Variants in ABCD3 observed in about 807,000 individuals in gnomAD.
The protein encoded by ABCD3 is ATP binding cassette subfamily D member 3.
A neutral mutation model predicts 105.5 loss-of-function variants in ABCD3; 41 were observed. The observed-to-expected ratio is 0.39, with a 90% CI of 0.30 to 0.50. The LOEUF is 0.50. ABCD3 is among the 20% of genes least tolerant of loss of function. The probability of loss-of-function intolerance (pLI) is 0.84; values close to 1 mark genes in which losing one functional copy is unlikely to be tolerated. For synonymous variants in ABCD3, 258 were observed against 269.0 expected, an observed-to-expected ratio of 0.96 and a Z score of 0.40; for missense variants, 622 against 806.3, an observed-to-expected ratio of 0.77 and a Z score of 2.77.
chr1:94,426,667 C>T (rs560751727), intron 1 of ABCD3, among the ~76,000 whole-genome samples: 12 of 151,864 alleles, frequency 7.9e-5, no homozygotes, highest in African/African-American at 2.4e-4. Flanking sequence ...CTCACCCTCC[C>T]GAGTAGCTGG....
intron 1 of ABCD3, among the ~76,000 whole-genome samples, chr1:94,453,975 T>G (rs1647405258): frequency 1.3e-5 from 2 of 151,818 alleles, no homozygotes; most frequent in Admixed American, 1.3e-4. Flanking sequence ...AATAAGGTTC[T>G]GAGCATTGCT....
At position 94,517,179 on chromosome 1, in the gene ABCD3, C is replaced by T; in HGVS notation, c.*50C>T. On this transcript the variant is annotated 3_prime_UTR_variant, in exon 23 of 23. Transcript: ENST00000370214. ...TTCAGTGAAATAATTACAGAATATACTTAGAAAGGCAAAGTACATTGTAAA... is the reference window on the plus strand; with the variant it reads ...TTCAGTGAAATAATTACAGAATATATTTAGAAAGGCAAAGTACATTGTAAA... 1.5e-6 allele frequency: 2 copies of T among 1,330,358 alleles called. No homozygotes were observed. The allele number at this position is 1,330,358 out of a possible 1,614,324, so 82.4% of individuals were successfully genotyped here. A position where few individuals can be genotyped will look rare whatever the true frequency, so the allele number is the denominator to read the frequency against.
At chr1:94,498,459 T>C (rs1448253814) in intron 16 of ABCD3, 143 bp from the exon 17 acceptor site, 2 of 827,144 alleles carry the variant, frequency 2.4e-6, no homozygotes, top group South Asian at 1.6e-5. Flanking sequence ...TCTTCACTGC[T>C]CTACCTAATG....
chr1:94,431,381 T>A (rs1348484342), intron 1 of ABCD3, among the ~76,000 whole-genome samples: 1 of 152,206 alleles, frequency 6.6e-6, no homozygotes, highest in African/African-American at 2.4e-5. Flanking sequence ...AGTCGAGTGC[T>A]TGCTATGTAC....
At chr1:94,511,643 T>C (rs1471673751) in intron 21 of ABCD3, among the ~76,000 whole-genome samples, 1 of 152,162 alleles carries the variant, frequency 6.6e-6, no homozygotes, top group Non-Finnish European at 1.5e-5. Context: ...CAGATGTAGA[T>C]TTGGTCTTTT....
chr1:94,501,769 A>T (rs145743374), intron 20 of ABCD3, among the ~76,000 whole-genome samples: 1 of 152,188 alleles, frequency 6.6e-6, no homozygotes, highest in African/African-American at 2.4e-5. Flanking sequence ...AGTATATATG[A>T]TGGAAAAGTG....
chr1:94,432,715 CAAG>C (rs1427111837), intron 1 of ABCD3: 5 of 152,044 alleles, frequency 3.3e-5, no homozygotes, highest in Non-Finnish European at 5.9e-5. Context: ...TCAAAGAACT[CAAG>C]AATCATTCAG....
rs755374294 is a variant in ABCD3, at chr1:94,498,608, T to A, written c.1393T>A (p.Ser465Thr). The A allele has an allele frequency of 1.2e-6, 2 of 1,613,166 alleles. No homozygotes were observed. The highest frequency in any genetic ancestry group is 1.7e-6 in the Non-Finnish European group (2 of 1,179,702). The change falls in exon 17 of 23, where the codon TCT becomes ACT. Residue 465 changes from serine (S) to threonine (T), a missense_variant. By Grantham distance (58) the Ser-to-Thr change is moderately conservative. This residue lies in a region of ABCD3 where 285 missense variants were observed against 352.5 expected (regional missense o/e 0.81). Coordinates refer to ENST00000370214, the MANE Select transcript of ABCD3 (RefSeq NM_002858.4). ...ATTTTTTTTTTTTTTTCAGGTTCGA[T>A]CTGGGGCTAATGTTCTAATTTGTGG... The part of the protein sequence containing the change: ...LIRDLNFEVR[S>T]GANVLICGPN...
intron 16 of ABCD3, 82 bp from the exon 17 acceptor site, chr1:94,498,520 A>G (rs1385750786): frequency 6.5e-6 from 9 of 1,383,792 alleles, no homozygotes; most frequent in Non-Finnish European, 8.1e-6. Context: ...AGCTATTAAT[A>G]TTTGAGTCTA....
At chr1:94,400,509 T>A in the ABCD3 span, among the ~76,000 whole-genome samples, 2 of 152,148 alleles carry the variant, frequency 1.3e-5, no homozygotes, top group African/African-American at 4.8e-5. Context: ...AATTTGTGTA[T>A]TAGCTGTGAT....
intron 1 of ABCD3, among the ~76,000 whole-genome samples, chr1:94,456,914 A>G (rs1184426131): frequency 2.6e-5 from 4 of 152,154 alleles, no homozygotes; most frequent in African/African-American, 7.2e-5. Context: ...GCCAACAGTT[A>G]TCTTTTATCT....
intron 2 of ABCD3, 97 bp downstream of exon 2, chr1:94,458,740 A>T: frequency 8.0e-7 from 1 of 1,257,826 alleles, no homozygotes; most frequent in Non-Finnish European, 1.1e-6. Context: ...TATAATTAGT[A>T]GGGAACTTAA....
At chr1:94,493,941 T>C (rs1649665300) in intron 16 of ABCD3, among the ~76,000 whole-genome samples, 1 of 151,848 alleles carries the variant, frequency 6.6e-6, no homozygotes, top group African/African-American at 2.4e-5. Flanking sequence ...CTGGGGACTG[T>C]TGTGGGGTGG....
chr1:94,480,350 G>A, intron 8 of ABCD3, 114 bp from the exon 9 acceptor site: 1 of 1,336,242 alleles, frequency 7.5e-7, no homozygotes, highest in Admixed American at 1.8e-5. Context: ...TACCCAGTAG[G>A]GCAATTTCTT....
intron 16 of ABCD3, among the ~76,000 whole-genome samples, chr1:94,498,305 C>T (rs573404459): frequency 3.5e-4 from 53 of 152,112 alleles, no homozygotes; most frequent in African/African-American, 1.1e-3. Flanking sequence ...CTCCCAGTTT[C>T]AAGCGATCCT....
chr1:94,485,467 C>T (rs1354700977), intron 10 of ABCD3, among the ~76,000 whole-genome samples: 1 of 152,118 alleles, frequency 6.6e-6, no homozygotes, highest in African/African-American at 2.4e-5. Context: ...TTTAACATGG[C>T]AGAACTTTTA....
chr1:94,460,228 A>G (rs1028292673), intron 2 of ABCD3, among the ~76,000 whole-genome samples: 1 of 152,150 alleles, frequency 6.6e-6, no homozygotes, highest in Non-Finnish European at 1.5e-5. Context: ...TTAACCTACT[A>G]TCTATACCAT....
chr1:94,406,070 T>A, the ABCD3 span, among the ~76,000 whole-genome samples: 47,614 of 151,928 alleles, frequency 0.31, 8,071 homozygotes, highest in Admixed American at 0.4. Context: ...TCCACATTTA[T>A]ATCTGTGATC....
At chr1:94,433,176 C>G (rs1486446441) in intron 1 of ABCD3, among the ~76,000 whole-genome samples, 1 of 133,784 alleles carries the variant, frequency 7.5e-6, no homozygotes, top group African/African-American at 2.9e-5. Context: ...TTTTTCCAGA[C>G]ATAGTTTCGC....
Sources: gnomAD v4.1 joint callset for allele counts (sites outside exome capture counted in the v4.1 genomes callset) on GRCh38, gnomAD v4.1.1 for gene constraint, gnomAD v4.1.1 regional missense constraint, MANE v1.5 for transcripts, NCBI Gene and HGNC (gene_info 2026-07-23, HGNC 2026-07-21) for gene names.